TCF12: variants seen among roughly 807,000 people sequenced by gnomAD.
TCF12 encodes DNA-binding protein HTF4.
TCF12 carries 45 observed loss-of-function variants against 86.0 expected under a neutral mutation model. The observed-to-expected ratio is 0.52, with a 90% confidence interval of 0.41 to 0.67. The LOEUF is 0.67. Among genes scored for constraint, TCF12 ranks in the 30% least tolerant of loss-of-function variants. TCF12 has a pLI of 0.00. For synonymous variants in TCF12, 330 were observed against 299.6 expected (o/e 1.10, Z -1.05); for missense variants, 881 against 859.9 (o/e 1.02, Z -0.31).
At chr15:57,002,024 A>G (rs1440336824) in intron 3 of TCF12, among the ~76,000 whole-genome samples, 1 of 152,232 alleles carries the variant, frequency 6.6e-6, no homozygotes, top group Non-Finnish European at 1.5e-5. Flanking sequence ...GATTATAGGT[A>G]TTTTGAAGTT....
At chr15:57,075,824 C>CTT (rs1567371004) in intron 4 of TCF12, among the ~76,000 whole-genome samples, 1 of 52,894 alleles carries the variant, frequency 1.9e-5, no homozygotes, top group African/African-American at 8.0e-5. Context: ...CTCTCTCTCT[C>CTT]TCTCTCTCTC....
chr15:57,207,559 T>C (rs1259838476), intron 8 of TCF12, among the ~76,000 whole-genome samples: 1 of 151,956 alleles, frequency 6.6e-6, no homozygotes, highest in Non-Finnish European at 1.5e-5. Flanking sequence ...TAATCCCAGC[T>C]ACTTGGGAGG....
In TCF12 at chr15:57,269,360, CTTTTTTTTTTTTTTTTT is replaced by C. The variant is rs56700978; in HGVS notation, c.1746-3655_1746-3639del. The stretch of plus-strand genomic sequence containing the variant: ...CAGGATTGCAACCGCACAACCCCTG[CTTTTTTTTTTTTTTTTT>C]TTTTTTTTTTTTTTGGCTTTCCATT... On this transcript the variant is annotated intron_variant, in intron 18 of 20. Coordinates refer to ENST00000333725, the MANE Select transcript of TCF12 (RefSeq NM_207037.2). Among the ~76,000 whole-genome samples the C allele has an allele frequency of 1.3e-3, 41 of 31,944 alleles. 1 individual carries two copies. The highest frequency in any genetic ancestry group is 3.0e-4 in the African/African-American group (2 of 6,754). 21.0% of individuals were successfully genotyped at this position (31,944 alleles called of 152,430 possible).
chr15:57,233,040 TTATA>T (rs1239944672), intron 11 of TCF12, among the ~76,000 whole-genome samples, 184 bp downstream of exon 11: 1 of 146,084 alleles, frequency 6.8e-6, no homozygotes, highest in African/African-American at 2.5e-5. Flanking sequence ...TGTATATATG[TTATA>T]TATGTATATG....
chr15:57,275,601 G>A (rs189566325), intron 19 of TCF12, among the ~76,000 whole-genome samples: 209 of 152,112 alleles, frequency 1.4e-3, no homozygotes, highest in Middle Eastern at 6.8e-3. Context: ...ACAGTTTTGA[G>A]TTATTTTGGT....
chr15:57,021,367 T>C (rs1290747141), intron 3 of TCF12, among the ~76,000 whole-genome samples: 1 of 152,158 alleles, frequency 6.6e-6, no homozygotes, highest in Non-Finnish European at 1.5e-5. Context: ...ACAGAAAACA[T>C]TGGCATCGGG....
intron 5 of TCF12, among the ~76,000 whole-genome samples, chr15:57,150,626 A>C (rs551645362): frequency 2.0e-5 from 3 of 152,196 alleles, no homozygotes; most frequent in Non-Finnish European, 4.4e-5. Flanking sequence ...TAGCATGAAA[A>C]GAACAAGAAA....
chr15:57,005,512 TC>T, intron 3 of TCF12, among the ~76,000 whole-genome samples: 1 of 152,358 alleles, frequency 6.6e-6, no homozygotes, highest in East Asian at 1.9e-4. Flanking sequence ...TGTATCCTCC[TC>T]TATATAACAG....
intron 5 of TCF12, among the ~76,000 whole-genome samples, chr15:57,117,860 A>G (rs2050949791): frequency 6.6e-6 from 1 of 152,152 alleles, no homozygotes; most frequent in Non-Finnish European, 1.5e-5. Flanking sequence ...ACGCTTGCAG[A>G]TATTTTATAA....
At chr15:57,002,253 C>T (rs1421181841) in intron 3 of TCF12, among the ~76,000 whole-genome samples, 4 of 152,136 alleles carry the variant, frequency 2.6e-5, no homozygotes, top group Non-Finnish European at 4.4e-5. Flanking sequence ...ACCTGTTCCA[C>T]ATGCCCCATG....
chr15:57,008,395 A>T (rs374616528), intron 3 of TCF12, among the ~76,000 whole-genome samples: 79 of 18,972 alleles, frequency 4.2e-3, no homozygotes, highest in African/African-American at 0.01. Flanking sequence ...CTTTTTTTCG[A>T]GACAGGGTTT....
intron 3 of TCF12, among the ~76,000 whole-genome samples, chr15:56,972,025 T>G (rs2062360184): frequency 6.6e-6 from 1 of 152,232 alleles, no homozygotes; most frequent in Non-Finnish European, 1.5e-5. Flanking sequence ...ACGAATATAC[T>G]AAAAACCATT....
At chr15:57,253,115 T>G in intron 15 of TCF12, 147 bp from the exon 16 acceptor site, 1 of 746,412 alleles carries the variant, frequency 1.3e-6, no homozygotes, top group Non-Finnish European at 2.2e-6. Context: ...TTGTTGTTGA[T>G]TTATAGTTCA....
At position 57,243,594 on chromosome 15, in the gene TCF12, G is replaced by A. The variant is rs1597580487; in HGVS notation, c.1114+44G>A. On this transcript the variant is annotated intron_variant, in intron 13 of 20. Coordinates refer to ENST00000333725, the MANE Select transcript of TCF12 (RefSeq NM_207037.2). ...TACTTCTAACTGGTGGGACTACTTG[G>A]AAATATTTCTAGTTCATTTATTTCT... is the stretch of plus-strand genomic sequence containing the variant. The A allele has an allele frequency of 6.2e-6, 9 of 1,444,242 alleles. No homozygotes were observed. The African/African-American group carries it at 1.0e-4, about 16-fold the overall frequency. The allele number at this position is 1,444,242 out of a possible 1,614,324, so 89.5% of individuals were successfully genotyped here. A position where few individuals can be genotyped will look rare whatever the true frequency, so the allele number is the denominator to read the frequency against.
intron 5 of TCF12, among the ~76,000 whole-genome samples, chr15:57,112,174 G>C (rs1311327590): frequency 6.6e-6 from 1 of 152,202 alleles, no homozygotes; most frequent in Non-Finnish European, 1.5e-5. Context: ...TGACAGCTGA[G>C]GGCTCTAGCT....
At chr15:56,942,549 C>T (rs773258950) in intron 3 of TCF12, among the ~76,000 whole-genome samples, 47 of 152,086 alleles carry the variant, frequency 3.1e-4, no homozygotes, top group Non-Finnish European at 6.0e-4. Flanking sequence ...GTATTATAAA[C>T]AATATATTTC....
At chr15:57,197,572 A>T (rs1025131309) in intron 7 of TCF12, among the ~76,000 whole-genome samples, 3 of 152,114 alleles carry the variant, frequency 2.0e-5, no homozygotes, top group Non-Finnish European at 4.4e-5. Context: ...GTATTTTCAG[A>T]ATGTATCACT....
intron 15 of TCF12, among the ~76,000 whole-genome samples, 157 bp downstream of exon 15, chr15:57,252,649 C>T (rs752125228): frequency 6.4e-4 from 98 of 152,242 alleles, no homozygotes; most frequent in East Asian, 7.7e-4. Context: ...AATTTTGTCT[C>T]TTATGTTGTT....
In TCF12 at chr15:57,273,747, A is replaced by G. The variant is rs1488802035; in HGVS notation, c.1978+485A>G. Reference sequence around the variant, plus strand: ...GCCAGATACCTTTACACCCATGTCAATAAGGTCTCAGGGCTTCTTTGTTGA... The same window carrying G: ...GCCAGATACCTTTACACCCATGTCAGTAAGGTCTCAGGGCTTCTTTGTTGA... On this transcript the variant is annotated intron_variant, in intron 19 of 20. Coordinates refer to ENST00000333725, the MANE Select transcript of TCF12 (RefSeq NM_207037.2). Among the ~76,000 whole-genome samples the G allele has an allele frequency of 3.9e-5, 6 of 152,198 alleles. No individual in the cohort carries two copies. In the South Asian group the frequency reaches 8.3e-4, roughly 21 times the overall value.
Sources: gnomAD v4.1 joint callset for allele counts (sites outside exome capture counted in the v4.1 genomes callset) on GRCh38, gnomAD v4.1.1 for gene constraint, MANE v1.5 for transcripts, NCBI Gene and HGNC (gene_info 2026-07-23, HGNC 2026-07-21) for gene names.